The following MRPS5 variants were observed in gnomAD, a reference collection of about 807,000 sequenced individuals.
MRPS5 encodes the protein small ribosomal subunit protein uS5m.
MRPS5 carries 27 observed loss-of-function variants against 51.9 expected under a neutral mutation model. That is an observed-to-expected ratio of 0.52 (90% CI 0.38 to 0.72). The LOEUF is 0.72. Among genes scored for constraint, MRPS5 ranks in the 30% least tolerant of loss-of-function variants. The pLI is 0.00. For missense variants in MRPS5, 570 were observed against 545.7 expected (o/e 1.04, Z -0.44); for synonymous variants, 196 against 193.2 (o/e 1.01, Z -0.12).
intron 7 of MRPS5, 39 bp from the exon 8 acceptor site, chr2:95,101,762 A>C: frequency 6.6e-7 from 1 of 1,512,044 alleles, no homozygotes; most frequent in South Asian, 1.2e-5. Flanking sequence ...AGAGACAGAA[A>C]TTTTGCCCAT....
chr2:95,098,994 C>T (rs1458524687), intron 10 of MRPS5, among the ~76,000 whole-genome samples: 22 of 149,806 alleles, frequency 1.5e-4, no homozygotes, highest in Non-Finnish European at 2.2e-4. Context: ...TCTCGGCTCA[C>T]TGCAAGTTCC....
chr2:95,108,013 A>C (rs766530450), intron 5 of MRPS5, among the ~76,000 whole-genome samples, 162 bp downstream of exon 5: 2 of 152,238 alleles, frequency 1.3e-5, no homozygotes, highest in Non-Finnish European at 2.9e-5. Flanking sequence ...TGCACTCCAC[A>C]AAATACAGTT....
intron 10 of MRPS5, chr2:95,091,560 A>AGG (rs1299988115): frequency 1.3e-5 from 2 of 152,286 alleles, no homozygotes; most frequent in African/African-American, 4.8e-5. Flanking sequence ...TGGCAAATGC[A>AGG]GGTGGAGTGA....
chr2:95,088,299 T>C (rs1220810405), intron 11 of MRPS5, among the ~76,000 whole-genome samples: 1 of 152,054 alleles, frequency 6.6e-6, no homozygotes, highest in Non-Finnish European at 1.5e-5. Context: ...ATATTTAGGG[T>C]TGAAATAAAA....
At chr2:95,087,938 C>T (rs1412531270) in intron 11 of MRPS5, among the ~76,000 whole-genome samples, 1 of 148,316 alleles carries the variant, frequency 6.7e-6, no homozygotes, top group African/African-American at 2.5e-5. Flanking sequence ...GGAGATAAGA[C>T]ACTAAGGACC....
At chr2:95,113,375 C>T (rs999951057) in intron 3 of MRPS5, among the ~76,000 whole-genome samples, 16 of 152,018 alleles carry the variant, frequency 1.1e-4, no homozygotes, top group Non-Finnish European at 1.9e-4. Flanking sequence ...ACTCAAGAGG[C>T]TGAGGCAGGA....
chr2:95,101,597 G>T (rs1675804233), intron 8 of MRPS5, 80 bp downstream of exon 8: 3 of 1,123,926 alleles, frequency 2.7e-6, no homozygotes, highest in Non-Finnish European at 3.8e-6. Flanking sequence ...AATTATTATT[G>T]TTTTGTGGTT....
At position 95,109,993 on chromosome 2, in the gene MRPS5, C is replaced by G. The variant is rs1676070130; in HGVS notation, c.326G>C (p.Gly109Ala). 6.2e-7 allele frequency: 1 copy of G among 1,613,782 alleles called. No individual in the cohort carries two copies. The highest frequency in any genetic ancestry group is 1.7e-5 in the Admixed American group (1 of 60,004). ...TCTTTTGCCTCTTCCTTTTTTTGCT[C>G]CAGCACCAGTCTCTGCTAAAGCGCC... ...WKGALAETGA[G>A]AKKGRGKRTK... is the part of the protein sequence containing the mutation. The change falls in exon 4 of 12, where the codon GGA (glycine) becomes GCA (alanine). Residue 109 changes from glycine (G) to alanine (A), a missense_variant. Gly to Ala is a moderately conservative substitution (Grantham distance 60). Coordinates refer to ENST00000272418, the MANE Select transcript of MRPS5 (RefSeq NM_031902.5).
intron 10 of MRPS5, among the ~76,000 whole-genome samples, chr2:95,097,077 C>T (rs1208417782): frequency 6.6e-6 from 1 of 152,200 alleles, no homozygotes; most frequent in Non-Finnish European, 1.5e-5. Flanking sequence ...CATGAGTGAA[C>T]TCCCACTCAC....
intron 1 of MRPS5, among the ~76,000 whole-genome samples, chr2:95,121,346 G>A (rs774725394): frequency 2.6e-5 from 4 of 152,154 alleles, no homozygotes; most frequent in Non-Finnish European, 4.4e-5. Flanking sequence ...AGTCAATCAC[G>A]GAGCGTCTCC....
chr2:95,102,360 T>C (rs368345375), intron 7 of MRPS5, among the ~76,000 whole-genome samples: 11 of 152,198 alleles, frequency 7.2e-5, no homozygotes, highest in African/African-American at 2.2e-4. Context: ...CATTTAAAGA[T>C]AGATTAAAAT....
At chr2:95,109,804 T>C in intron 4 of MRPS5, 112 bp downstream of exon 4, 1 of 1,219,834 alleles carries the variant, frequency 8.2e-7, no homozygotes, top group Non-Finnish European at 1.1e-6. Flanking sequence ...AAACCATAGA[T>C]CGTAGTGCCC....
At chr2:95,097,504 T>C (rs1170817946) in intron 10 of MRPS5, among the ~76,000 whole-genome samples, 3 of 152,104 alleles carry the variant, frequency 2.0e-5, no homozygotes, top group Non-Finnish European at 2.9e-5. Flanking sequence ...AACAGAGATA[T>C]AGACCAATGG....
Position 95,087,530 on chromosome 2 carries a change from G to A in MRPS5, c.1120C>T (p.Arg374Trp), listed in dbSNP as rs764963431. Reference sequence around the variant, plus strand: ...ATGGGCAGAGGGCCACATTCCTCCCGGATTTCCACAACATGGAGGCCCTTC... The same window carrying A: ...ATGGGCAGAGGGCCACATTCCTCCCAGATTTCCACAACATGGAGGCCCTTC... ...DKKGLHVVEIREECGPLPIVV... is the reference protein window; with the variant it reads ...DKKGLHVVEIWEECGPLPIVV... The change falls in exon 12 of 12, where the codon CGG (arginine) becomes TGG (tryptophan). Residue 374 changes from arginine (R) to tryptophan (W), a missense_variant. Physicochemically the swap from Arg to Trp is moderately radical, Grantham distance 101. Coordinates refer to ENST00000272418, the MANE Select transcript of MRPS5 (RefSeq NM_031902.5). The A allele has an allele frequency of 2.7e-5, 44 of 1,614,012 alleles. No individual in the cohort carries two copies. Among genetic ancestry groups the A allele is most frequent in the East Asian group, 1.8e-4 (8 of 44,882 alleles).
intron 10 of MRPS5, among the ~76,000 whole-genome samples, chr2:95,093,909 C>T (rs778092472): frequency 6.6e-6 from 1 of 152,176 alleles, no homozygotes. Flanking sequence ...AAGTAGACTT[C>T]AGAAGGTCGG....
At chr2:95,096,731 C>A (rs1675638332) in intron 10 of MRPS5, among the ~76,000 whole-genome samples, 1 of 152,158 alleles carries the variant, frequency 6.6e-6, no homozygotes, top group South Asian at 2.1e-4. Context: ...CAGCCAATAT[C>A]ATACTGAATG....
intron 3 of MRPS5, among the ~76,000 whole-genome samples, chr2:95,110,661 G>A (rs980511779): frequency 6.6e-6 from 1 of 152,178 alleles, no homozygotes; most frequent in African/African-American, 2.4e-5. Flanking sequence ...TATTAGCCAG[G>A]TGTGATGGCA....
intron 3 of MRPS5, among the ~76,000 whole-genome samples, chr2:95,110,433 TA>T: frequency 6.6e-6 from 1 of 152,188 alleles, no homozygotes. Flanking sequence ...CCTTCCTAAG[TA>T]TAAGTTTTCT....
At chr2:95,121,917 G>T, upstream of MRPS5, 1 of 1,118,370 alleles carries the variant, frequency 8.9e-7, no homozygotes, top group Non-Finnish European at 1.2e-6. Context: ...AGTCCACGCA[G>T]CAGCGCAGGC....
Sources: allele counts gnomAD v4.1 joint callset (sites outside exome capture counted in the v4.1 genomes callset), GRCh38; gene constraint gnomAD v4.1.1; transcripts MANE v1.5; gene names NCBI Gene and HGNC (gene_info 2026-07-23, HGNC 2026-07-21).